Variants in WWOX observed in about 807,000 individuals in gnomAD.
WWOX encodes the protein WW domain containing oxidoreductase, also known as WW domain-containing oxidoreductase.
In WWOX, 69 loss-of-function variants were observed where a neutral mutation model predicts 46.2. That is an observed-to-expected ratio of 1.49 (90% CI 1.23 to 1.82). The LOEUF (loss-of-function observed/expected upper bound fraction) is 1.82, where lower values mean the gene tolerates loss of function less well. Ranked by LOEUF, WWOX falls within the 40% of genes most tolerant of loss-of-function variation. The pLI, the probability that WWOX is intolerant of heterozygous loss-of-function variation, is 0.00. For missense variants in WWOX, 919 were observed against 542.6 expected, an observed-to-expected ratio of 1.69 and a Z score of -6.89; for synonymous variants, 359 against 202.6, an observed-to-expected ratio of 1.77 and a Z score of -6.56.
intron 8 of WWOX, among the ~76,000 whole-genome samples, chr16:78,616,515 A>C (rs1331296981): frequency 6.8e-6 from 1 of 148,092 alleles, no homozygotes; most frequent in African/African-American, 2.5e-5. Context: ...TAATCCCAGC[A>C]CTTTGGGAGG....
chr16:78,942,061 G>A (rs1040630477), intron 8 of WWOX, among the ~76,000 whole-genome samples: 1 of 152,146 alleles, frequency 6.6e-6, no homozygotes, highest in African/African-American at 2.4e-5. Flanking sequence ...CCGCTGATAG[G>A]TAGTTACTCT....
intron 8 of WWOX, among the ~76,000 whole-genome samples, chr16:78,607,780 T>A (rs1162455462): frequency 6.6e-6 from 1 of 152,036 alleles, no homozygotes; most frequent in African/African-American, 2.4e-5. Flanking sequence ...TGCATTTTCA[T>A]ATTTGTCATT....
At chr16:78,758,185 A>G (rs1287224049) in intron 8 of WWOX, among the ~76,000 whole-genome samples, 3 of 152,218 alleles carry the variant, frequency 2.0e-5, no homozygotes, top group Non-Finnish European at 2.9e-5. Context: ...GATCAATATG[A>G]TTTGCCACAT....
At chr16:78,327,584 C>T (rs545998627) in intron 5 of WWOX, among the ~76,000 whole-genome samples, 1 of 152,304 alleles carries the variant, frequency 6.6e-6, no homozygotes, top group East Asian at 1.9e-4. Context: ...ATTCCCTTCA[C>T]TCCAACTCCC....
chr16:79,142,269 G>A (rs2050104310), intron 8 of WWOX, among the ~76,000 whole-genome samples: 2 of 152,094 alleles, frequency 1.3e-5, no homozygotes, highest in Non-Finnish European at 2.9e-5. Flanking sequence ...GGTAGTGACG[G>A]GTGCCTCCAA....
At chr16:78,159,672 G>GTTTTTTTTTTTTTTT (rs35468343) in intron 4 of WWOX, among the ~76,000 whole-genome samples, 5 of 55,378 alleles carry the variant, frequency 9.0e-5, no homozygotes, top group East Asian at 8.6e-4. Context: ...AAAATCTGTG[G>GTTTTTTTTTTTTTTT]TTTTTTTTTT....
intron 8 of WWOX, among the ~76,000 whole-genome samples, chr16:78,631,646 T>A (rs1365642340): frequency 6.6e-6 from 1 of 151,754 alleles, no homozygotes; most frequent in African/African-American, 2.4e-5. Context: ...TCAAGAGATA[T>A]TCTTGCCTCA....
chr16:78,909,725 A>G (rs1199123663), intron 8 of WWOX, among the ~76,000 whole-genome samples: 1 of 152,210 alleles, frequency 6.6e-6, no homozygotes, highest in Admixed American at 6.5e-5. Context: ...GCAAAACCAT[A>G]TGCATCGTAT....
chr16:79,093,673 C>G (rs1031018279), intron 8 of WWOX, among the ~76,000 whole-genome samples: 2 of 152,134 alleles, frequency 1.3e-5, no homozygotes, highest in Non-Finnish European at 2.9e-5. Flanking sequence ...CACTTCCTGT[C>G]GAGGCACAGG....
chr16:78,772,696 C>T (rs1040106240), intron 8 of WWOX, among the ~76,000 whole-genome samples: 3 of 152,136 alleles, frequency 2.0e-5, no homozygotes, highest in African/African-American at 4.8e-5. Context: ...TTAGCTCATT[C>T]CACAGGAGGG....
intron 8 of WWOX, among the ~76,000 whole-genome samples, chr16:79,171,955 T>C (rs1026471099): frequency 6.6e-6 from 1 of 152,182 alleles, no homozygotes; most frequent in South Asian, 2.1e-4. Flanking sequence ...ACGCATAAGC[T>C]TGGGTTTCAG....
At chr16:78,577,780 T>G (rs1048894296) in intron 8 of WWOX, among the ~76,000 whole-genome samples, 3 of 152,168 alleles carry the variant, frequency 2.0e-5, no homozygotes, top group African/African-American at 4.8e-5. Flanking sequence ...TTGCGAACGA[T>G]CTGTTGCTAG....
At chr16:78,323,717 G>A (rs1352996418) in intron 5 of WWOX, among the ~76,000 whole-genome samples, 1 of 152,134 alleles carries the variant, frequency 6.6e-6, no homozygotes, top group Non-Finnish European at 1.5e-5. Context: ...AGGAAAACAT[G>A]TTTCTATTCT....
intron 8 of WWOX, among the ~76,000 whole-genome samples, chr16:78,800,721 G>GGAAT (rs1264710850): frequency 1.3e-5 from 2 of 152,112 alleles, no homozygotes; most frequent in Non-Finnish European, 2.9e-5. Context: ...TCAGAATGAG[G>GGAAT]GAATTGTCTA....
At chr16:79,111,985 C>T (rs541940510) in intron 8 of WWOX, among the ~76,000 whole-genome samples, 2 of 152,160 alleles carry the variant, frequency 1.3e-5, no homozygotes, top group South Asian at 2.1e-4. Context: ...TGTTAAGCAC[C>T]ATCCCCAAAC....
chr16:78,994,497 T>G (rs1158977743), intron 8 of WWOX: 1 of 152,238 alleles, frequency 6.6e-6, no homozygotes, highest in Non-Finnish European at 1.5e-5. Flanking sequence ...ACCGAGGTAC[T>G]TATCTGACAA....
intron 8 of WWOX, among the ~76,000 whole-genome samples, chr16:79,049,025 C>G (rs892791248): frequency 1.3e-5 from 2 of 152,162 alleles, no homozygotes; most frequent in African/African-American, 4.8e-5. Context: ...AGGCACTGTG[C>G]TAGATACCCG....
intron 8 of WWOX, among the ~76,000 whole-genome samples, chr16:79,027,587 C>T (rs936292556): frequency 1.3e-5 from 2 of 151,772 alleles, no homozygotes; most frequent in African/African-American, 4.9e-5. Context: ...GGACCTCTGA[C>T]CTGAATTATA....
intron 6 of WWOX, among the ~76,000 whole-genome samples, chr16:78,401,228 C>A (rs1597169577): frequency 6.6e-6 from 1 of 150,734 alleles, no homozygotes; most frequent in Non-Finnish European, 1.5e-5. Flanking sequence ...TTTTCTAATA[C>A]CACTTTTTTC....
Sources: gnomAD v4.1 joint callset for allele counts (sites outside exome capture counted in the v4.1 genomes callset) on GRCh38, gnomAD v4.1.1 for gene constraint, MANE v1.5 for transcripts, NCBI Gene and HGNC (gene_info 2026-07-23, HGNC 2026-07-21) for gene names.